The following ATP6V1B2 variants were observed in gnomAD, a reference collection of about 807,000 sequenced individuals.
ATP6V1B2 encodes ATPase H+ transporting V1 subunit B2.
In ATP6V1B2, 23 loss-of-function variants were observed where a neutral mutation model predicts 66.7. The ratio of observed to expected loss-of-function variants is 0.34; its 90% CI spans 0.25 to 0.49. ATP6V1B2 has a LOEUF of 0.49. Among genes scored for constraint, ATP6V1B2 ranks in the 20% least tolerant of loss-of-function variants. ATP6V1B2 has a pLI of 0.99. For synonymous variants in ATP6V1B2, 278 were observed against 236.7 expected, an observed-to-expected ratio of 1.17 and a Z score of -1.60; for missense variants, 478 against 650.8, an observed-to-expected ratio of 0.73 and a Z score of 2.89.
In ATP6V1B2 at chr8:20,197,464, C is replaced by T; in HGVS notation, c.58C>T (p.Pro20Ser). The change falls in exon 1 of 14, where the codon CCC (proline) becomes TCC (serine). Residue 20 changes from proline to serine, a missense_variant. Coordinates refer to ENST00000276390, the MANE Select transcript of ATP6V1B2 (RefSeq NM_001693.4). ...VNGAAPELPV[P>S]TGGPAVGARE... ...CGGGGCCGCACCCGAGCTACCCGTG[C>T]CCACCGGTGGGCCGGCGGTGGGAGC... 6.5e-7 allele frequency: 1 copy of T among 1,529,116 alleles called. No individual in the cohort carries two copies. Among genetic ancestry groups the T allele is most frequent in the Non-Finnish European group, 8.8e-7 (1 of 1,139,476 alleles). 94.7% of individuals were successfully genotyped at this position (1,529,116 alleles called of 1,614,324 possible).
At chr8:20,197,635 G>A in intron 1 of ATP6V1B2, 93 bp downstream of exon 1, 1 of 1,273,970 alleles carries the variant, frequency 7.8e-7, no homozygotes, top group Non-Finnish European at 1.0e-6. Flanking sequence ...TAGGGGGTAG[G>A]ATTTGTTTTT....
chr8:20,201,449 T>C (rs2128884549), intron 1 of ATP6V1B2, among the ~76,000 whole-genome samples: 1 of 152,314 alleles, frequency 6.6e-6, no homozygotes, highest in South Asian at 2.1e-4. Flanking sequence ...GTTATCATTC[T>C]GCTTGGTTTT....
chr8:20,206,710 C>T (rs1415665535), intron 2 of ATP6V1B2, among the ~76,000 whole-genome samples: 2 of 152,152 alleles, frequency 1.3e-5, no homozygotes, highest in Non-Finnish European at 2.9e-5. Flanking sequence ...ACTCTCCAAA[C>T]ACCCTCAGTT....
chr8:20,218,794 C>G (rs1377107895), intron 13 of ATP6V1B2, among the ~76,000 whole-genome samples: 1 of 152,168 alleles, frequency 6.6e-6, no homozygotes, highest in African/African-American at 2.4e-5. Context: ...CCTTTACCCA[C>G]TGTCCAGACC....
intron 3 of ATP6V1B2, 64 bp from the exon 4 acceptor site, chr8:20,210,278 CAAAT>C: frequency 3.7e-6 from 5 of 1,354,602 alleles, no homozygotes; most frequent in South Asian, 1.2e-5. Flanking sequence ...GTTTAACAGA[CAAAT>C]AAAATGTAAA....
At chr8:20,207,966 G>A (rs2072755550) in intron 2 of ATP6V1B2, among the ~76,000 whole-genome samples, 1 of 152,194 alleles carries the variant, frequency 6.6e-6, no homozygotes, top group Non-Finnish European at 1.5e-5. Context: ...AGCATGGGAA[G>A]TTCCTCAGTA....
At chr8:20,211,844 T>G (rs1468445272) in intron 7 of ATP6V1B2, 91 bp downstream of exon 7, 1 of 1,093,922 alleles carries the variant, frequency 9.1e-7, no homozygotes, top group African/African-American at 1.6e-5. Context: ...AGTTGAATTT[T>G]TCTTTAGGTA....
chr8:20,219,251 A>G (rs1369518097), intron 13 of ATP6V1B2, among the ~76,000 whole-genome samples: 1 of 152,192 alleles, frequency 6.6e-6, no homozygotes, highest in East Asian at 1.9e-4. Context: ...GTCTCTGACC[A>G]CTCTTGAGTC....
In ATP6V1B2 at chr8:20,210,342, A is replaced by G. The variant is rs1296899655; in HGVS notation, c.292-4A>G. 6.2e-7 allele frequency: 1 copy of G among 1,606,836 alleles called. No individual in the cohort carries two copies. The highest frequency in any genetic ancestry group is 1.3e-5 in the African/African-American group (1 of 74,578). On this transcript the variant is annotated splice_region_variant and splice_polypyrimidine_tract_variant and intron_variant, in intron 3 of 13. Coordinates refer to ENST00000276390, the MANE Select transcript of ATP6V1B2 (RefSeq NM_001693.4). ...CCCTTCTCATTAATTCTTTTTCTTG[A>G]TAGGTATTTGAAGGGACTTCAGGTA...
At position 20,211,158 on chromosome 8, in the gene ATP6V1B2, C is replaced by G. The variant is rs766361000; in HGVS notation, c.464-19C>G. 6.3e-7 allele frequency: 1 copy of G among 1,591,814 alleles called. No homozygotes were observed. The highest frequency in any genetic ancestry group is 1.2e-5 in the South Asian group (1 of 86,368). ...AATGCGGCAACTTGTTGAAATTTTC[C>G]TTTTTGGAAATACATTAGGTCAGCC... On this transcript the variant is annotated intron_variant, in intron 5 of 13. Coordinates refer to ENST00000276390, the MANE Select transcript of ATP6V1B2 (RefSeq NM_001693.4).
rs948270379 is a variant in ATP6V1B2 at position 20,221,347 on chromosome 8, G to A, written c.*945G>A. On this transcript the variant is annotated 3_prime_UTR_variant, in exon 14 of 14. Transcript: ENST00000276390. ...GCAGCCTTTGAAAATCCCCAATTTGGTTCTGCTTTTTGACCTCTCTCTACC... is the reference window on the plus strand; with the variant it reads ...GCAGCCTTTGAAAATCCCCAATTTGATTCTGCTTTTTGACCTCTCTCTACC... 1.3e-5 allele frequency: 2 copies of A among 152,272 alleles called. No individual in the cohort carries two copies. The highest frequency in any genetic ancestry group is 2.9e-5 in the Non-Finnish European group (2 of 68,022). 9.4% of individuals were successfully genotyped at this position (152,272 alleles called of 1,614,324 possible).
At chr8:20,211,032 CTGA>C in intron 5 of ATP6V1B2, 142 bp from the exon 6 acceptor site, 1 of 1,070,334 alleles carries the variant, frequency 9.3e-7, no homozygotes, top group Middle Eastern at 2.5e-4. Flanking sequence ...TGAAAAATAA[CTGA>C]TTTTTTTTGT....
At position 20,206,414 on chromosome 8, in the gene ATP6V1B2, C is replaced by T. The variant is rs147180404; in HGVS notation, c.192+1875C>T. 3.5e-3 allele frequency among the ~76,000 whole-genome samples: 527 copies of T among 152,274 alleles called. 4 individuals carry two copies. Among genetic ancestry groups the T allele is most frequent in the African/African-American group, 0.012 (484 of 41,544 alleles). On this transcript the variant is annotated intron_variant, in intron 2 of 13. Transcript: ENST00000276390. ...GGTTACCCACAGCTACTGTCCAACT[C>T]GGCTACAGATTGAGGATACCCTTCT...
chr8:20,211,930 A>C (rs1204685719), intron 7 of ATP6V1B2, among the ~76,000 whole-genome samples, 172 bp from the exon 8 acceptor site: 1 of 152,176 alleles, frequency 6.6e-6, no homozygotes, highest in African/African-American at 2.4e-5. Flanking sequence ...ATTTAAGAAT[A>C]ATATTGTTTG....
chr8:20,200,409 A>G lies in ATP6V1B2; in HGVS notation c.136+2867A>G, dbSNP rs2072674345. 2.6e-5 allele frequency among the ~76,000 whole-genome samples: 4 copies of G among 152,306 alleles called. 1 individual carries two copies. The South Asian group carries it at 6.2e-4, about 24-fold the overall frequency. ...CCTGACACATAGAATGTGCCTTGTA[A>G]TTGTGTAACTTGCATTTAAACTCAA... On this transcript the variant is annotated intron_variant, in intron 1 of 13. Coordinates refer to ENST00000276390, the MANE Select transcript of ATP6V1B2 (RefSeq NM_001693.4).
rs1267836651 is a variant in ATP6V1B2, at chr8:20,218,222, T to G, written c.1336T>G (p.Ser446Ala). 15 of 1,613,444 alleles carry G rather than the reference T, an allele frequency of 9.3e-6. No homozygotes were observed. Among genetic ancestry groups the G allele is most frequent in the Admixed American group, 1.7e-5 (1 of 59,994 alleles). The change falls in exon 13 of 14, where the codon TCA (serine) becomes GCA (alanine). Residue 446 changes from serine to alanine, a missense_variant. By Grantham distance (99) the Ser-to-Ala change is moderately conservative. Around this residue, in one of 2 missense-constraint regions of ATP6V1B2, gnomAD observed 326 missense variants for 545.6 expected, o/e 0.60. Coordinates refer to ENST00000276390, the MANE Select transcript of ATP6V1B2 (RefSeq NM_001693.4). ...TGTCGTTGGAGAAGAAGCCCTTACC[T>G]CAGATGATCTTCTCTACTTGGAATT... ...KAVVGEEALTSDDLLYLEFLQ... is the reference protein window; with the variant it reads ...KAVVGEEALTADDLLYLEFLQ...
chr8:20,219,831 C>T (rs1426593478), intron 13 of ATP6V1B2, among the ~76,000 whole-genome samples: 1 of 152,150 alleles, frequency 6.6e-6, no homozygotes, highest in Non-Finnish European at 1.5e-5. Flanking sequence ...TGCATGTATT[C>T]AGGTGCTTGA....
chr8:20,218,718 C>T (rs1361555245), intron 13 of ATP6V1B2, among the ~76,000 whole-genome samples: 1 of 152,136 alleles, frequency 6.6e-6, no homozygotes, highest in African/African-American at 2.4e-5. Flanking sequence ...GCTCAGTTAC[C>T]TGTTCTTTCT....
intron 1 of ATP6V1B2, among the ~76,000 whole-genome samples, chr8:20,201,137 A>G (rs1323639498): frequency 6.6e-6 from 1 of 152,250 alleles, no homozygotes; most frequent in East Asian, 1.9e-4. Flanking sequence ...ATCAAAGCCA[A>G]GACATTTTGG....
Sources: gnomAD v4.1 joint callset for allele counts (sites outside exome capture counted in the v4.1 genomes callset) on GRCh38, gnomAD v4.1.1 for gene constraint, gnomAD v4.1.1 regional missense constraint, MANE v1.5 for transcripts, NCBI Gene and HGNC (gene_info 2026-07-23, HGNC 2026-07-21) for gene names.